CNTNAP2: variants seen among roughly 807,000 people sequenced by gnomAD.
CNTNAP2 encodes contactin associated protein 2.
CNTNAP2 carries 98 observed loss-of-function variants against 155.2 expected under a neutral mutation model. That is an observed-to-expected ratio of 0.63 (90% CI 0.54 to 0.75). The LOEUF (loss-of-function observed/expected upper bound fraction) is 0.75. Among genes scored for constraint, CNTNAP2 ranks in the 30% least tolerant of loss-of-function variants. CNTNAP2 has a pLI of 0.00. For missense variants in CNTNAP2, 1,727 were observed against 1,688.1 expected (o/e 1.02, Z -0.40); for synonymous variants, 651 against 631.2 (o/e 1.03, Z -0.47).
chr7:147,680,997 G>A (rs1795940644), intron 13 of CNTNAP2, among the ~76,000 whole-genome samples: 1 of 151,770 alleles, frequency 6.6e-6, no homozygotes, highest in African/African-American at 2.4e-5. Context: ...TTTAACATTA[G>A]AATATTTTGT....
intron 15 of CNTNAP2, among the ~76,000 whole-genome samples, chr7:148,086,334 C>CAA (rs1356307580): frequency 6.6e-6 from 1 of 152,128 alleles, no homozygotes; most frequent in African/African-American, 2.4e-5. Context: ...CAACATTTCT[C>CAA]AAGTATCTAT....
chr7:147,373,632 G>C (rs35118410), intron 9 of CNTNAP2, among the ~76,000 whole-genome samples: 26,210 of 151,948 alleles, frequency 0.17, 2,861 homozygotes, highest in Non-Finnish European at 0.24. Flanking sequence ...TCATTGTCTT[G>C]AGAACTGTTT....
intron 8 of CNTNAP2, among the ~76,000 whole-genome samples, chr7:147,273,993 A>G (rs974095256): frequency 2.7e-5 from 4 of 148,662 alleles, no homozygotes; most frequent in African/African-American, 1.0e-4. Flanking sequence ...TATGTAGTAT[A>G]TATTACATAT....
intron 13 of CNTNAP2, among the ~76,000 whole-genome samples, chr7:147,656,416 G>A (rs763982274): frequency 3.9e-5 from 6 of 152,114 alleles, no homozygotes; most frequent in African/African-American, 7.2e-5. Flanking sequence ...GATTTAAATT[G>A]AGCGATGTGT....
chr7:147,699,958 C>A (rs1240355614), intron 13 of CNTNAP2, among the ~76,000 whole-genome samples: 1 of 152,150 alleles, frequency 6.6e-6, no homozygotes, highest in Non-Finnish European at 1.5e-5. Context: ...TATCTGGCTT[C>A]TTGTACTTAG....
At chr7:147,643,116 G>A (rs1563035819) in intron 13 of CNTNAP2, among the ~76,000 whole-genome samples, 1 of 152,044 alleles carries the variant, frequency 6.6e-6, no homozygotes, top group African/African-American at 2.4e-5. Flanking sequence ...ATCACACATT[G>A]AGAAACACTG....
At chr7:147,027,589 T>C (rs965893136) in intron 3 of CNTNAP2, among the ~76,000 whole-genome samples, 2 of 152,220 alleles carry the variant, frequency 1.3e-5, no homozygotes, top group Admixed American at 6.5e-5. Context: ...TGTTTTAGGA[T>C]AAGTAATTAG....
chr7:148,213,623 C>A (rs1469659633), intron 18 of CNTNAP2, among the ~76,000 whole-genome samples: 1 of 152,144 alleles, frequency 6.6e-6, no homozygotes, highest in African/African-American at 2.4e-5. Flanking sequence ...CTTCTCACCC[C>A]CGCCAGAGCC....
rs550324056 is a variant in CNTNAP2, at chr7:148,271,217, A to C, written c.3475+4091A>C. ...CAGACCATTGTTACCCTCGTTGTAT[A>C]GAATAAGGAGCTAAGGCTCAAAACT... On this transcript the variant is annotated intron_variant, in intron 21 of 23. Coordinates refer to ENST00000361727, the MANE Select transcript of CNTNAP2 (RefSeq NM_014141.6). Among the ~76,000 whole-genome samples the C allele has an allele frequency of 2.4e-4, 36 of 152,342 alleles. 1 individual carries two copies. The East Asian group carries it at 6.9e-3, about 29-fold the overall frequency.
intron 13 of CNTNAP2, among the ~76,000 whole-genome samples, chr7:147,733,746 G>C (rs1312808021): frequency 6.6e-6 from 1 of 152,150 alleles, no homozygotes; most frequent in Non-Finnish European, 1.5e-5. Context: ...TCCTTTGTAA[G>C]TTGGATTCCT....
intron 10 of CNTNAP2, among the ~76,000 whole-genome samples, chr7:147,482,614 G>C (rs1252073971): frequency 1.3e-5 from 2 of 152,074 alleles, no homozygotes; most frequent in African/African-American, 4.8e-5. Context: ...CCAGCTGCTC[G>C]GGAGGCTGAG....
Position 147,339,985 on chromosome 7 carries a change from G to A in CNTNAP2, c.1498+39695G>A, listed in dbSNP as rs145206679. Among the ~76,000 whole-genome samples, 251 of 152,196 alleles carry A rather than the reference G, an allele frequency of 1.6e-3. 2 individuals carry two copies. The highest frequency in any genetic ancestry group is 5.6e-3 in the African/African-American group (231 of 41,540). On this transcript the variant is annotated intron_variant, in intron 9 of 23. Coordinates refer to ENST00000361727, the MANE Select transcript of CNTNAP2 (RefSeq NM_014141.6). ...AAGCAGCTGCATCTACATAAGTGCCGGACTTTTCATGTCCAGCTAATCTAC... is the reference window on the plus strand; with the variant it reads ...AAGCAGCTGCATCTACATAAGTGCCAGACTTTTCATGTCCAGCTAATCTAC...
At chr7:147,615,218 C>A (rs2116883222) in intron 12 of CNTNAP2, among the ~76,000 whole-genome samples, 1 of 70,734 alleles carries the variant, frequency 1.4e-5, no homozygotes, top group Middle Eastern at 6.5e-3. Context: ...GAGCTATAAT[C>A]ATGCCACTGC....
At chr7:148,235,308 C>A (rs1484252013) in intron 20 of CNTNAP2, among the ~76,000 whole-genome samples, 1 of 152,126 alleles carries the variant, frequency 6.6e-6, no homozygotes, top group Non-Finnish European at 1.5e-5. Flanking sequence ...ACATTAGCAA[C>A]ATGTAGTGTG....
intron 8 of CNTNAP2, among the ~76,000 whole-genome samples, chr7:147,189,930 G>C (rs1039526274): frequency 1.3e-5 from 2 of 152,044 alleles, no homozygotes; most frequent in African/African-American, 4.8e-5. Flanking sequence ...ATTTTTAGTA[G>C]AGATGGGGTT....
chr7:146,638,476 C>CTTTTTTTTTTTTTTTTTTTTTT lies in CNTNAP2; in HGVS notation c.98-135794_98-135773dup, dbSNP rs879600389. Among the ~76,000 whole-genome samples, 50 of 64,358 alleles carry CTTTTTTTTTTTTTTTTTTTTTT rather than the reference C, an allele frequency of 7.8e-4. 5 individuals are homozygous for CTTTTTTTTTTTTTTTTTTTTTT. Among genetic ancestry groups the CTTTTTTTTTTTTTTTTTTTTTT allele is most frequent in the East Asian group, 2.1e-3 (4 of 1,886 alleles). 42.2% of individuals were successfully genotyped at this position (64,358 alleles called of 152,430 possible). On this transcript the variant is annotated intron_variant, in intron 1 of 23. Coordinates refer to ENST00000361727, the MANE Select transcript of CNTNAP2 (RefSeq NM_014141.6). ...AACAGTTTAATACAGTCAGGTGTTT[C>CTTTTTTTTTTTTTTTTTTTTTT]TTTTTTTTTTTTTTTTTTTTTTCTT...
chr7:146,463,245 G>T (rs1796665419), intron 1 of CNTNAP2, among the ~76,000 whole-genome samples: 1 of 152,078 alleles, frequency 6.6e-6, no homozygotes, highest in Admixed American at 6.6e-5. Context: ...GTTTCCTCAA[G>T]GGCTTTGTTA....
At chr7:148,149,162 C>G (rs955539539) in intron 17 of CNTNAP2, among the ~76,000 whole-genome samples, 1 of 152,088 alleles carries the variant, frequency 6.6e-6, no homozygotes, top group African/African-American at 2.4e-5. Context: ...GTTTTTTTGA[C>G]CCTGCCCCTG....
Position 147,510,742 on chromosome 7 carries a change from G to T in CNTNAP2, c.1777+24701G>T, listed in dbSNP as rs912303505. Among the ~76,000 whole-genome samples, 9 of 149,884 alleles carry T rather than the reference G, an allele frequency of 6.0e-5. No homozygotes were observed. The South Asian group carries it at 1.9e-3, about 32-fold the overall frequency. On this transcript the variant is annotated intron_variant, in intron 11 of 23. Coordinates refer to ENST00000361727, the MANE Select transcript of CNTNAP2 (RefSeq NM_014141.6). ...CTAGTATGCACTTTACAAAAGGCTT[G>T]GTAGGTTAATATATGACAAATATTG...
Sources: gnomAD v4.1 joint callset for allele counts (sites outside exome capture counted in the v4.1 genomes callset) on GRCh38, gnomAD v4.1.1 for gene constraint, MANE v1.5 for transcripts, NCBI Gene and HGNC (gene_info 2026-07-23, HGNC 2026-07-21) for gene names.